Variants in CDH13 observed in about 807,000 individuals in gnomAD.
The protein encoded by CDH13 is cadherin-13.
CDH13 carries 24 observed loss-of-function variants against 63.8 expected under a neutral mutation model. That is an observed-to-expected ratio of 0.38 (90% CI 0.27 to 0.53). The LOEUF is 0.53. Ranked by LOEUF, CDH13 falls within the 20% of genes least tolerant of loss-of-function variation. The pLI is 0.85. For missense variants in CDH13, 1,049 were observed against 903.1 expected (o/e 1.16, Z -2.07); for synonymous variants, 503 against 355.3 (o/e 1.42, Z -4.67).
chr16:82,842,891 T>C (rs906573755), intron 1 of CDH13, among the ~76,000 whole-genome samples: 2 of 152,158 alleles, frequency 1.3e-5, no homozygotes, highest in Non-Finnish European at 2.9e-5. Context: ...GTTACATGTG[T>C]GGTTCACAAA....
chr16:82,803,757 G>T (rs1359947988), intron 1 of CDH13, among the ~76,000 whole-genome samples: 6 of 150,764 alleles, frequency 4.0e-5, no homozygotes, highest in African/African-American at 1.2e-4. Flanking sequence ...CCACTTATAT[G>T]AGGTATCTAA....
intron 1 of CDH13, among the ~76,000 whole-genome samples, chr16:82,723,779 AC>A (rs1451348803): frequency 1.3e-5 from 2 of 152,150 alleles, no homozygotes; most frequent in Non-Finnish European, 2.9e-5. Flanking sequence ...AATTTAGCCT[AC>A]CTTGAGTAAT....
intron 6 of CDH13, among the ~76,000 whole-genome samples, chr16:83,451,931 T>C (rs1001018433): frequency 7.9e-5 from 12 of 152,222 alleles, no homozygotes; most frequent in Non-Finnish European, 1.3e-4. Flanking sequence ...GGTATGTGTG[T>C]GAATTGGACC....
intron 3 of CDH13, among the ~76,000 whole-genome samples, chr16:83,072,145 A>G (rs2151544111): frequency 6.6e-6 from 1 of 152,290 alleles, no homozygotes; most frequent in South Asian, 2.1e-4. Context: ...AGTTTCTGAA[A>G]TTGTGCATGT....
intron 6 of CDH13, among the ~76,000 whole-genome samples, chr16:83,380,166 A>G (rs1191020846): frequency 6.6e-6 from 1 of 152,066 alleles, no homozygotes; most frequent in African/African-American, 2.4e-5. Context: ...AAGTCATAGA[A>G]CAGGATATGA....
intron 6 of CDH13, among the ~76,000 whole-genome samples, chr16:83,377,845 C>T (rs2091486043): frequency 6.6e-6 from 1 of 152,102 alleles, no homozygotes; most frequent in African/African-American, 2.4e-5. Context: ...CCATAACACA[C>T]AGCTAACCAA....
intron 1 of CDH13, among the ~76,000 whole-genome samples, chr16:82,818,671 C>T (rs567893611): frequency 6.6e-6 from 1 of 152,148 alleles, no homozygotes. Flanking sequence ...GGCTTCATAG[C>T]TGTAGAAATC....
intron 2 of CDH13, among the ~76,000 whole-genome samples, chr16:82,910,600 T>C (rs2041800537): frequency 6.6e-6 from 1 of 152,178 alleles, no homozygotes; most frequent in South Asian, 2.1e-4. Context: ...AGGCTAATCC[T>C]TGTTGGAAAA....
At chr16:83,780,522 T>A (rs1915444318) in intron 12 of CDH13, among the ~76,000 whole-genome samples, 1 of 152,178 alleles carries the variant, frequency 6.6e-6, no homozygotes, top group African/African-American at 2.4e-5. Flanking sequence ...TCTTTAAAAT[T>A]TTCATATATT....
At chr16:82,989,598 G>T (rs888884935) in intron 2 of CDH13, among the ~76,000 whole-genome samples, 3 of 152,198 alleles carry the variant, frequency 2.0e-5, no homozygotes, top group African/African-American at 7.2e-5. Context: ...AGATGAGGCT[G>T]TGTGGACCAG....
intron 8 of CDH13, among the ~76,000 whole-genome samples, chr16:83,612,801 T>C (rs1908967847): frequency 6.6e-6 from 1 of 152,162 alleles, no homozygotes; most frequent in South Asian, 2.1e-4. Context: ...AAATTTGAGC[T>C]CCTTTTATCA....
chr16:83,481,369 A>G (rs1287149770), intron 6 of CDH13, among the ~76,000 whole-genome samples: 1 of 152,174 alleles, frequency 6.6e-6, no homozygotes, highest in Non-Finnish European at 1.5e-5. Flanking sequence ...TAATTTTGTC[A>G]CTGTCTTTTG....
chr16:83,543,134 A>G lies in CDH13; in HGVS notation c.960+56479A>G, dbSNP rs149838200. 2.4e-3 allele frequency among the ~76,000 whole-genome samples: 358 copies of G among 152,336 alleles called. 1 individual carries two copies. Among genetic ancestry groups the G allele is most frequent in the Non-Finnish European group, 4.1e-3 (276 of 68,036 alleles). On this transcript the variant is annotated intron_variant, in intron 7 of 13. Coordinates refer to ENST00000567109, the MANE Select transcript of CDH13 (RefSeq NM_001257.5). The stretch of plus-strand genomic sequence containing the variant: ...GGCACATCGTATGTTTTAAGTAACT[A>G]TAGGTTGAATTAATTAATATTCTTT...
intron 7 of CDH13, among the ~76,000 whole-genome samples, chr16:83,521,091 A>G (rs1203855720): frequency 6.6e-6 from 1 of 152,218 alleles, no homozygotes; most frequent in Non-Finnish European, 1.5e-5. Context: ...TACTTCAGTA[A>G]ACATATTTAG....
At chr16:82,884,512 G>C in intron 2 of CDH13, 2 of 226,434 alleles carry the variant, frequency 8.8e-6, no homozygotes, top group Non-Finnish European at 1.8e-5. Context: ...GTAAGCCAGG[G>C]GACACAGGAG....
intron 6 of CDH13, among the ~76,000 whole-genome samples, chr16:83,387,620 C>T (rs1040848911): frequency 2.0e-5 from 3 of 152,200 alleles, no homozygotes; most frequent in Admixed American, 1.3e-4. Flanking sequence ...ACAAAATTAT[C>T]TTCTTGTGTT....
intron 2 of CDH13, among the ~76,000 whole-genome samples, chr16:82,901,832 G>A (rs1297121002): frequency 6.6e-6 from 1 of 152,206 alleles, no homozygotes; most frequent in African/African-American, 2.4e-5. Flanking sequence ...GAAGTCCAGT[G>A]AGGGTTTCGT....
rs3041877 is a variant in CDH13 at position 82,677,446 on chromosome 16, C to CTTTTTTTTTTTT, written c.45+50315_45+50326dup. 3.1e-5 allele frequency among the ~76,000 whole-genome samples: 4 copies of CTTTTTTTTTTTT among 130,712 alleles called. 1 individual carries two copies. Among genetic ancestry groups the CTTTTTTTTTTTT allele is most frequent in the Admixed American group, 7.9e-5 (1 of 12,608 alleles). The allele number at this position is 130,712 out of a possible 152,430, so 85.8% of individuals were successfully genotyped here. On this transcript the variant is annotated intron_variant, in intron 1 of 13. Coordinates refer to ENST00000567109, the MANE Select transcript of CDH13 (RefSeq NM_001257.5). Reference sequence around the variant, plus strand: ...TATACAAAGGAAAGGACTCTTCTGCCTTTTTTTTTTTTTTTTTGGTTTTTA... The same window carrying CTTTTTTTTTTTT: ...TATACAAAGGAAAGGACTCTTCTGCCTTTTTTTTTTTTTTTTTTTTTTTTTTTTTGGTTTTTA...
At position 83,154,955 on chromosome 16, in the gene CDH13, A is replaced by T. The variant is rs1249061585; in HGVS notation, c.483+29454A>T. Among the ~76,000 whole-genome samples, 4 of 152,348 alleles carry T rather than the reference A, an allele frequency of 2.6e-5. No individual in the cohort carries two copies. In the East Asian group the frequency reaches 7.7e-4, roughly 29 times the overall value. On this transcript the variant is annotated intron_variant, in intron 4 of 13. Transcript: ENST00000567109. ...TATAAAATCTGCCAATTAAAATTTT[A>T]TGGTTTAGGGAAAAAATCCCCTCTG...
Sources: gnomAD v4.1 joint callset for allele counts (sites outside exome capture counted in the v4.1 genomes callset) on GRCh38, gnomAD v4.1.1 for gene constraint, MANE v1.5 for transcripts, NCBI Gene and HGNC (gene_info 2026-07-23, HGNC 2026-07-21) for gene names.